WNT5B: variants seen among roughly 807,000 people sequenced by gnomAD.
WNT5B encodes protein Wnt-5b.
WNT5B carries 18 observed loss-of-function variants against 36.5 expected under a neutral mutation model. The observed-to-expected ratio is 0.49, with a 90% CI of 0.34 to 0.73. The LOEUF (loss-of-function observed/expected upper bound fraction) is 0.73, where lower values mean the gene tolerates loss of function less well. WNT5B is among the 30% of genes least tolerant of loss of function. The pLI is 0.01. For missense variants in WNT5B, 424 were observed against 508.4 expected (o/e 0.83, Z 1.60); for synonymous variants, 213 against 212.3 (o/e 1.00, Z -0.03).
Position 1,632,575 on chromosome 12 carries a change from T to C in WNT5B, c.81-83T>C. ...TACACAGGGACGCATTCAATAAATG[T>C]GTTGAATGAATGACTTAATGCTGCA... On this transcript the variant is annotated intron_variant, in intron 2 of 4. Coordinates refer to ENST00000397196, the MANE Select transcript of WNT5B (RefSeq NM_032642.3). This position sits in a 1 kb window ranked among gnomAD's most constrained non-coding sequence, Gnocchi z 5.8. 1 of 1,507,818 alleles carries C rather than the reference T, an allele frequency of 6.6e-7. No individual in the cohort carries two copies. 93.4% of individuals were successfully genotyped at this position (1,507,818 alleles called of 1,614,324 possible).
Position 1,645,885 on chromosome 12 carries a change from T to C in WNT5B, c.713T>C (p.Phe238Ser). 1 of 1,611,502 alleles carries C rather than the reference T, an allele frequency of 6.2e-7. No individual in the cohort carries two copies. Among genetic ancestry groups the C allele is most frequent in the Non-Finnish European group, 8.5e-7 (1 of 1,179,532 alleles). The change falls in exon 5 of 5, where the codon TTC becomes TCC. Residue 238 changes from phenylalanine (F) to serine (S), a missense_variant. By Grantham distance (155) the Phe-to-Ser change is radical (BLOSUM62 -2). Coordinates refer to ENST00000397196, the MANE Select transcript of WNT5B (RefSeq NM_032642.3). ...ACCTGCTGGCTGCAGCTGGCCGAGT[T>C]CCGCAAGGTCGGGGACCGGCTGAAG... Reference protein sequence around the residue: ...LKTCWLQLAEFRKVGDRLKEK... With the variant: ...LKTCWLQLAESRKVGDRLKEK...
chr12:1,643,520 C>G (rs1227688072), intron 4 of WNT5B, among the ~76,000 whole-genome samples: 1 of 152,042 alleles, frequency 6.6e-6, no homozygotes, highest in East Asian at 1.9e-4. Context: ...CATGTGCCAC[C>G]ACGCCTGGGC....
intron 1 of WNT5B, among the ~76,000 whole-genome samples, chr12:1,623,187 G>GTTGTTTTTTTTTTTTTTTTTT (rs1555156806): frequency 3.4e-5 from 2 of 58,380 alleles, no homozygotes; most frequent in African/African-American, 7.2e-5. Context: ...GTTTTTTGTT[G>GTTGTTTTTTTTTTTTTTTTTT]TTTTTTTTTT....
chr12:1,623,339 G>T (rs967816347), intron 1 of WNT5B, among the ~76,000 whole-genome samples: 4 of 150,572 alleles, frequency 2.7e-5, no homozygotes, highest in African/African-American at 9.8e-5. Flanking sequence ...GGGACTACAG[G>T]CGCCCACCAC....
At position 1,639,700 on chromosome 12, in the gene WNT5B, C is replaced by G; in HGVS notation, c.345C>G (p.Ala115=). The change falls in exon 4 of 5, where the codon GCC becomes GCG. Residue 115 remains alanine, a synonymous_variant. Transcript: ENST00000397196. The part of the protein sequence containing the change: ...RVMQIGSRET[A]FTHAVSAAGV... Reference sequence around the variant, plus strand: ...ATTCTGCAGGCAGCCGAGAGACCGCCTTCACCCACGCGGTGAGCGCCGCGG... The same window carrying G: ...ATTCTGCAGGCAGCCGAGAGACCGCGTTCACCCACGCGGTGAGCGCCGCGG... 1.9e-6 allele frequency: 3 copies of G among 1,574,088 alleles called. No homozygotes were observed. The highest frequency in any genetic ancestry group is 1.7e-6 in the Non-Finnish European group (2 of 1,165,044).
intron 3 of WNT5B, among the ~76,000 whole-genome samples, chr12:1,635,775 G>A (rs760791358): frequency 1.3e-5 from 2 of 152,238 alleles, no homozygotes; most frequent in African/African-American, 2.4e-5. Flanking sequence ...AGTGCTCCTT[G>A]TCACATTCTG....
intron 4 of WNT5B, among the ~76,000 whole-genome samples, chr12:1,643,350 A>G (rs1419414185): frequency 6.6e-6 from 1 of 152,170 alleles, no homozygotes; most frequent in Admixed American, 6.5e-5. Flanking sequence ...CCAGGGACAG[A>G]TCGTAGAACT....
chr12:1,633,034 C>T lies in WNT5B; in HGVS notation c.328+129C>T, dbSNP rs1271932850. ...CTAAGTGGGCTCTCTCTAGGCTTGGCAGCAGTGTGCACCACGAGAGAGGCA... is the reference window on the plus strand; with the variant it reads ...CTAAGTGGGCTCTCTCTAGGCTTGGTAGCAGTGTGCACCACGAGAGAGGCA... On this transcript the variant is annotated intron_variant, in intron 3 of 4. Transcript: ENST00000397196. The surrounding 1 kb of genome is among the most constrained non-coding windows in gnomAD (Gnocchi z 4.8). 6.7e-6 allele frequency: 9 copies of T among 1,351,168 alleles called. No homozygotes were observed. The highest frequency in any genetic ancestry group is 7.9e-6 in the Non-Finnish European group (8 of 1,009,746). The allele number at this position is 1,351,168 out of a possible 1,614,324, so 83.7% of individuals were successfully genotyped here.
chr12:1,641,774 C>T (rs887011817), intron 4 of WNT5B, among the ~76,000 whole-genome samples: 2 of 151,164 alleles, frequency 1.3e-5, no homozygotes, highest in African/African-American at 4.9e-5. Flanking sequence ...CCAGCCTGGG[C>T]AACAGAGCGA....
intron 3 of WNT5B, 51 bp from the exon 4 acceptor site, chr12:1,639,633 T>A (rs770316226): frequency 6.9e-7 from 1 of 1,441,872 alleles, no homozygotes; most frequent in Admixed American, 2.8e-5. Flanking sequence ...GAAGGACAGG[T>A]CCCCGGGAGA....
intron 4 of WNT5B, among the ~76,000 whole-genome samples, chr12:1,642,852 C>T (rs1480380403): frequency 2.0e-5 from 3 of 152,144 alleles, no homozygotes; most frequent in African/African-American, 7.2e-5. Flanking sequence ...TCCTTAACTC[C>T]TTATCTCTCC....
intron 4 of WNT5B, 47 bp downstream of exon 4, chr12:1,640,023 C>T (rs1408510180): frequency 3.2e-6 from 5 of 1,562,504 alleles, no homozygotes; most frequent in Non-Finnish European, 4.3e-6. Flanking sequence ...ACCTAGGGGG[C>T]TGTTCCCGGG....
chr12:1,621,075 G>T (rs2094533300), intron 1 of WNT5B, among the ~76,000 whole-genome samples: 1 of 61,472 alleles, frequency 1.6e-5, no homozygotes, highest in Non-Finnish European at 3.4e-5. Flanking sequence ...TGGGACATAA[G>T]ATATTGCAAT....
chr12:1,645,693 A>C (rs1592542311), intron 4 of WNT5B, 101 bp from the exon 5 acceptor site: 1 of 1,091,448 alleles, frequency 9.2e-7, no homozygotes, highest in Non-Finnish European at 1.3e-6. Context: ...CCCCTACCCT[A>C]CCGGCCCCTC....
At chr12:1,620,052 A>G (rs1460245489) in intron 1 of WNT5B, among the ~76,000 whole-genome samples, 1 of 152,216 alleles carries the variant, frequency 6.6e-6, no homozygotes, top group Non-Finnish European at 1.5e-5. Flanking sequence ...ATTTTTAAAT[A>G]TTTTTGTTGT....
upstream of WNT5B, among the ~76,000 whole-genome samples, chr12:1,626,687 C>T (rs962856467): frequency 2.0e-5 from 3 of 152,060 alleles, no homozygotes; most frequent in African/African-American, 4.8e-5. Context: ...GCCTCAGCCT[C>T]CTGAGTAGCT....
At chr12:1,624,905 G>T (rs373928151), upstream of WNT5B, among the ~76,000 whole-genome samples, 1 of 151,864 alleles carries the variant, frequency 6.6e-6, no homozygotes, top group African/African-American at 2.4e-5. Context: ...AGACCTCTTC[G>T]GTCTCAACCC....
upstream of WNT5B, among the ~76,000 whole-genome samples, chr12:1,627,683 C>T (rs1266496726): frequency 2.0e-5 from 3 of 152,142 alleles, no homozygotes; most frequent in Non-Finnish European, 2.9e-5. The surrounding 1 kb of genome is among the most constrained non-coding windows in gnomAD (Gnocchi z 5.0). Flanking sequence ...TGGGACAGTG[C>T]CATCTCAGCA....
At chr12:1,628,938 C>T (rs915308523), upstream of WNT5B, among the ~76,000 whole-genome samples, 6 of 151,730 alleles carry the variant, frequency 4.0e-5, no homozygotes, top group South Asian at 4.2e-4. Context: ...TGTGTGTGCA[C>T]GCGCGCGTGC....
Sources: allele counts gnomAD v4.1 joint callset (sites outside exome capture counted in the v4.1 genomes callset), GRCh38; gene constraint gnomAD v4.1.1; non-coding constraint Gnocchi (gnomAD v3.1); transcripts MANE v1.5; gene names NCBI Gene and HGNC (gene_info 2026-07-23, HGNC 2026-07-21).